Variants in SETD1B observed in about 807,000 individuals in gnomAD.
The protein encoded by SETD1B is histone-lysine N-methyltransferase SETD1B.
In SETD1B, 7 loss-of-function variants were observed where a neutral mutation model predicts 148.0. The observed-to-expected ratio is 0.05, with a 90% CI of 0.03 to 0.09. The LOEUF is 0.09. Among genes scored for constraint, SETD1B ranks in the 10% least tolerant of loss-of-function variants. The pLI, the probability that SETD1B is intolerant of heterozygous loss-of-function variation, is 1.00. For missense variants in SETD1B, 2,155 were observed against 2,729.9 expected (o/e 0.79, Z 4.69); for synonymous variants, 1,361 against 1,186.5 (o/e 1.15, Z -3.02).
In SETD1B at chr12:121,805,849, C is replaced by T. The variant is rs2137544140; in HGVS notation, c.288C>T (p.Tyr96=). 4.5e-6 allele frequency: 7 copies of T among 1,551,522 alleles called. No homozygotes were observed. The highest frequency in any genetic ancestry group is 1.4e-5 in the African/African-American group (1 of 73,100). ...GCCCCTGCCAGATCGATGAGTTCTA[C>T]GTGGGCCCGGTGCCTCCGAAGCAGG... ...SVPKFKIDEF[Y]VGPVPPKQVT... is the part of the protein sequence containing the mutation. Residue 96 remains tyrosine, a synonymous_variant, in exon 4 of 17, where the codon TAC becomes TAT. Coordinates refer to ENST00000604567, the MANE Select transcript of SETD1B (RefSeq NM_001353345.2). This position sits in a 1 kb window ranked among gnomAD's most constrained non-coding sequence, Gnocchi z 4.2.
rs866017064 is a variant in SETD1B, at chr12:121,817,336, C to G, written c.2978-34C>G. The G allele has an allele frequency of 6.5e-7, 1 of 1,538,138 alleles. No homozygotes were observed. The highest frequency in any genetic ancestry group is 1.7e-4 in the Middle Eastern group (1 of 5,926). On this transcript the variant is annotated intron_variant, in intron 8 of 16. Coordinates refer to ENST00000604567, the MANE Select transcript of SETD1B (RefSeq NM_001353345.2). This position sits in a 1 kb window ranked among gnomAD's most constrained non-coding sequence, Gnocchi z 8.1. ...CTGGGGTCCCCTTCTTCCGCATCCC[C>G]CCAGCCCAGCTCTGACTCCCTCCCT...
the SETD1B span, chr12:121,793,686 G>A: frequency 6.9e-6 from 10 of 1,441,716 alleles, no homozygotes; most frequent in African/African-American, 1.5e-5. Flanking sequence ...GCGGAGCCAA[G>A]AGGTCGGGGG....
In SETD1B at chr12:121,823,280, C is replaced by T. The variant is rs1252592372; in HGVS notation, c.4701C>T (p.Pro1567=). Residue 1567 remains proline, a synonymous_variant, in exon 12 of 17, where the codon CCC becomes CCT. Transcript: ENST00000604567. The stretch of plus-strand genomic sequence containing the variant: ...CCGTCTTCCCCAGCACCCATGACCC[C>T]CGGACGGTGACCCTGGACTTCCGGA... ...QTPVFPSTHD[P]RTVTLDFRNA... is the part of the protein sequence containing the mutation. The T allele has an allele frequency of 1.3e-6, 2 of 1,549,804 alleles. No homozygotes were observed. The highest frequency in any genetic ancestry group is 1.7e-6 in the Non-Finnish European group (2 of 1,146,838).
At chr12:121,814,076 C>T in intron 6 of SETD1B, 30 bp from the exon 7 acceptor site, 1 of 1,529,826 alleles carries the variant, frequency 6.5e-7, no homozygotes, top group Non-Finnish European at 8.8e-7. Flanking sequence ...TCCAGACTCA[C>T]CTCACTGTCT....
Position 121,814,414 on chromosome 12 carries a change from G to T in SETD1B, c.2199G>T (p.Pro733=), listed in dbSNP as rs763944606. The T allele has an allele frequency of 5.0e-6, 7 of 1,388,436 alleles. No homozygotes were observed. Among genetic ancestry groups the T allele is most frequent in the Non-Finnish European group, 6.6e-6 (7 of 1,059,454 alleles). The allele number at this position is 1,388,436 out of a possible 1,614,324, so 86.0% of individuals were successfully genotyped here. A position where few individuals can be genotyped will look rare whatever the true frequency, so the allele number is the denominator to read the frequency against. Reference sequence around the variant, plus strand: ...TGCCCCCACCACCCTTGCCAGCGCCGCCTGGAGTCCCGCCCCCACCCATCC... The same window carrying T: ...TGCCCCCACCACCCTTGCCAGCGCCTCCTGGAGTCCCGCCCCCACCCATCC... ...VTVPPPPLPA[P]PGVPPPPILP... Residue 733 remains proline (P), a synonymous_variant, in exon 7 of 17, where the codon CCG becomes CCT. Transcript: ENST00000604567.
intron 16 of SETD1B, among the ~76,000 whole-genome samples, chr12:121,829,741 G>A (rs1284737999): frequency 6.6e-6 from 1 of 152,168 alleles, no homozygotes; most frequent in Non-Finnish European, 1.5e-5. Flanking sequence ...ACAAAAACAG[G>A]CTGCTAGGGG....
rs548646338 is a variant in SETD1B, at chr12:121,819,247, GA to G, written c.3419-149del. Among the ~76,000 whole-genome samples, 233 of 151,832 alleles carry G rather than the reference GA, an allele frequency of 1.5e-3. 1 individual carries two copies. The highest frequency in any genetic ancestry group is 5.3e-3 in the African/African-American group (218 of 41,418). Reference sequence around the variant, plus strand: ...CAACAAGAGCAAAACTCAAAAAAAAGAAAAAAAAGACTCCTAGTGAACACAT... The same window carrying G: ...CAACAAGAGCAAAACTCAAAAAAAAGAAAAAAAGACTCCTAGTGAACACAT... On this transcript the variant is annotated intron_variant, in intron 10 of 16. Coordinates refer to ENST00000604567, the MANE Select transcript of SETD1B (RefSeq NM_001353345.2).
the SETD1B span, among the ~76,000 whole-genome samples, chr12:121,790,256 CCT>C: frequency 2.6e-5 from 4 of 152,380 alleles, no homozygotes; most frequent in Admixed American, 6.5e-5. Flanking sequence ...GAGAGCCACC[CCT>C]GTCTCACAGC....
chr12:121,822,739 C>A lies in SETD1B; in HGVS notation c.4160C>A (p.Pro1387His). ...GTGCCAGCCACACCAGGCGGGGAGCCCCCGCTATCAGGGGGCAGCAGTGGC... is the reference window on the plus strand; with the variant it reads ...GTGCCAGCCACACCAGGCGGGGAGCACCCGCTATCAGGGGGCAGCAGTGGC... ...ETVPATPGGE[P>H]PLSGGSSGLS... The change falls in exon 12 of 17, where the codon CCC (proline) becomes CAC (histidine). Residue 1387 changes from proline to histidine, a missense_variant. By Grantham distance (77) the Pro-to-His change is moderately conservative. Around this residue, in one of 11 missense-constraint regions of SETD1B, gnomAD observed 862 missense variants for 873.8 expected, o/e 0.99. Transcript: ENST00000604567. 2 of 1,516,936 alleles carry A rather than the reference C, an allele frequency of 1.3e-6. No homozygotes were observed. Among genetic ancestry groups the A allele is most frequent in the Non-Finnish European group, 1.8e-6 (2 of 1,124,808 alleles). 94.0% of individuals were successfully genotyped at this position (1,516,936 alleles called of 1,614,324 possible). A position where few individuals can be genotyped will look rare whatever the true frequency, so the allele number is the denominator to read the frequency against.
intron 11 of SETD1B, among the ~76,000 whole-genome samples, chr12:121,822,149 G>C (rs778355225): frequency 9.9e-5 from 15 of 152,182 alleles, no homozygotes; most frequent in African/African-American, 2.9e-4. Context: ...ATCCTTGAAG[G>C]CTCCGACAAG....
Position 121,804,675 on chromosome 12 carries a change from GCCGCCGCCGCCGCCGCGGCGGAGA to G in SETD1B, c.-14-47_-14-24del. The stretch of plus-strand genomic sequence containing the variant: ...ATTCTTTCGCGTGTGTGTAGAAGCG[GCCGCCGCCGCCGCCGCGGCGGAGA>G]CGACAACAACTTGCTGGTTTTCAGG... On this transcript the variant is annotated intron_variant, in intron 1 of 16. Coordinates refer to ENST00000604567, the MANE Select transcript of SETD1B (RefSeq NM_001353345.2). This position sits in a 1 kb window ranked among gnomAD's most constrained non-coding sequence, Gnocchi z 4.6. 1 of 1,410,470 alleles carries G rather than the reference GCCGCCGCCGCCGCCGCGGCGGAGA, an allele frequency of 7.1e-7. No homozygotes were observed. The highest frequency in any genetic ancestry group is 1.3e-5 in the South Asian group (1 of 76,672). 87.4% of individuals were successfully genotyped at this position (1,410,470 alleles called of 1,614,324 possible).
At chr12:121,827,387 A>G in intron 13 of SETD1B, 132 bp from the exon 14 acceptor site, 1 of 1,127,768 alleles carries the variant, frequency 8.9e-7, no homozygotes, top group Non-Finnish European at 1.2e-6. Flanking sequence ...GGTGACAATT[A>G]GGGACCGACA....
rs1566557975 is a variant in SETD1B at position 121,823,026 on chromosome 12, CCCTTGG to C, written c.4449_4454del (p.Ala1485_Leu1486del). ...CCCTCTGCCCCTTCCCCTGCCCTTG[CCCTTGG>C]CATTGCCCGCCGTCTTGCGGGCCCA... is the stretch of plus-strand genomic sequence containing the variant. On this transcript the variant is annotated inframe_deletion, in exon 12 of 17. Transcript: ENST00000604567. The C allele has an allele frequency of 6.6e-7, 1 of 1,518,518 alleles. No individual in the cohort carries two copies. The highest frequency in any genetic ancestry group is 2.0e-5 in the Admixed American group (1 of 49,672). The allele number at this position is 1,518,518 out of a possible 1,614,324, so 94.1% of individuals were successfully genotyped here. A position where few individuals can be genotyped will look rare whatever the true frequency, so the allele number is the denominator to read the frequency against.
chr12:121,822,453 A>G, intron 11 of SETD1B, 37 bp from the exon 12 acceptor site: 1 of 1,497,952 alleles, frequency 6.7e-7, no homozygotes, highest in Non-Finnish European at 9.0e-7. Context: ...GTTTGGATTG[A>G]ATAGTAAATG....
intron 7 of SETD1B, among the ~76,000 whole-genome samples, chr12:121,815,357 C>G (rs989535591): frequency 2.6e-5 from 4 of 152,024 alleles, no homozygotes; most frequent in African/African-American, 7.2e-5. Context: ...TCGGGAGCCA[C>G]AGGTGCCTAG....
chr12:121,826,425 A>G (rs1479530061), intron 13 of SETD1B, among the ~76,000 whole-genome samples: 1 of 152,178 alleles, frequency 6.6e-6, no homozygotes, highest in Non-Finnish European at 1.5e-5. Flanking sequence ...CGACTTCCAT[A>G]AAAAGTTAAA....
chr12:121,829,456 G>A (rs546012612), intron 16 of SETD1B, among the ~76,000 whole-genome samples: 25 of 152,326 alleles, frequency 1.6e-4, no homozygotes, highest in East Asian at 5.8e-4. Context: ...GTGGTGCAGC[G>A]GCTGCCCAGA....
At chr12:121,822,073 T>A (rs1329034968) in intron 11 of SETD1B, among the ~76,000 whole-genome samples, 1 of 152,074 alleles carries the variant, frequency 6.6e-6, no homozygotes, top group African/African-American at 2.4e-5. Context: ...AATAAAAAAA[T>A]AAGTAAATTC....
chr12:121,804,988 C>T lies in SETD1B; in HGVS notation c.174+77C>T. 6 of 1,459,464 alleles carry T rather than the reference C, an allele frequency of 4.1e-6. No homozygotes were observed. The highest frequency in any genetic ancestry group is 5.5e-6 in the Non-Finnish European group (6 of 1,089,024). 90.4% of individuals were successfully genotyped at this position (1,459,464 alleles called of 1,614,324 possible). ...ACGCGCCTAGCGGCCAGGGACCCCC[C>T]GCCCGATCCCCCGGCCAACTGTCAG... On this transcript the variant is annotated intron_variant, in intron 2 of 16. Transcript: ENST00000604567. This position sits in a 1 kb window ranked among gnomAD's most constrained non-coding sequence, Gnocchi z 4.6.
Sources: gnomAD v4.1 joint callset for allele counts (sites outside exome capture counted in the v4.1 genomes callset) on GRCh38, gnomAD v4.1.1 for gene constraint, gnomAD v4.1.1 regional missense constraint, Gnocchi (gnomAD v3.1) non-coding constraint, MANE v1.5 for transcripts, NCBI Gene and HGNC (gene_info 2026-07-23, HGNC 2026-07-21) for gene names.